Variants in LILRB4 observed in about 807,000 individuals in gnomAD.
The protein encoded by LILRB4 is leukocyte immunoglobulin like receptor B4.
A neutral mutation model predicts 55.2 loss-of-function variants in LILRB4; 49 were observed. The ratio of observed to expected loss-of-function variants is 0.89; its 90% CI spans 0.71 to 1.13. The LOEUF (loss-of-function observed/expected upper bound fraction) is 1.13. LILRB4 is among the 50% of genes most tolerant of loss of function. The probability of loss-of-function intolerance (pLI) is 0.00; values close to 1 mark genes in which losing one functional copy is unlikely to be tolerated. For synonymous variants in LILRB4, 229 were observed against 213.8 expected (o/e 1.07, Z -0.62); for missense variants, 590 against 555.2 (o/e 1.06, Z -0.63).
intron 10 of LILRB4, 129 bp from the exon 11 acceptor site, chr19:54,667,506 G>A (rs964398155): frequency 5.9e-5 from 89 of 1,498,602 alleles, no homozygotes; most frequent in African/African-American, 3.8e-4. Flanking sequence ...GACCCTCCAC[G>A]GCCTTAGGGC....
In LILRB4 at chr19:54,665,086, G is replaced by C. The variant is rs1329277670; in HGVS notation, c.707-44G>C. The C allele has an allele frequency of 3.1e-6, 5 of 1,606,768 alleles. No homozygotes were observed. The Admixed American group carries it at 6.7e-5, about 22-fold the overall frequency. ...TGCGGGGAGAAGCCGAGCTGATGTGGGGAGCAGGGCAGCCCCAGCCCTCAC... is the reference window on the plus strand; with the variant it reads ...TGCGGGGAGAAGCCGAGCTGATGTGCGGAGCAGGGCAGCCCCAGCCCTCAC... On this transcript the variant is annotated intron_variant, in intron 5 of 11. Coordinates refer to ENST00000430952, the Ensembl canonical transcript of LILRB4. This position sits in a 1 kb window ranked among gnomAD's most constrained non-coding sequence, Gnocchi z 5.5.
In LILRB4 at chr19:54,665,381, TG is replaced by T. The variant is rs2065220250; in HGVS notation, c.757+204del. 6.6e-6 allele frequency among the ~76,000 whole-genome samples: 1 copy of T among 151,964 alleles called. No individual in the cohort carries two copies. The highest frequency in any genetic ancestry group is 1.5e-5 in the Non-Finnish European group (1 of 67,974). ...GCTCTGACTCCCAGCTGTGCCCTCC[TG>T]GGAGAGGAGGCCTCCCAGGGAACCT... On this transcript the variant is annotated intron_variant, in intron 6 of 11. Coordinates refer to ENST00000430952, the Ensembl canonical transcript of LILRB4. The surrounding 1 kb of genome is among the most constrained non-coding windows in gnomAD (Gnocchi z 5.5).
Position 54,664,378 on chromosome 19 carries a change from G to C in LILRB4, c.548G>C (p.Ser183Thr), listed in dbSNP as rs769990707. ...CAGCACCAGGCTGAATTCCCCATGA[G>C]TCCTGTGACCTCAGTGCACGGGGGG... is the stretch of plus-strand genomic sequence containing the variant. Residue 183 changes from serine to threonine, a missense_variant, in exon 4 of 12, where the codon AGT becomes ACT. Ser to Thr is a moderately conservative substitution (Grantham distance 58, BLOSUM62 1). Coordinates refer to ENST00000430952, the Ensembl canonical transcript of LILRB4. The C allele has an allele frequency of 1.9e-6, 3 of 1,613,856 alleles. No homozygotes were observed. The Admixed American group carries it at 5.0e-5, about 27-fold the overall frequency.
Position 54,664,855 on chromosome 19 carries a change from TCTCA to T in LILRB4, c.706+7_706+10del. On this transcript the variant is annotated splice_region_variant and intron_variant, in intron 5 of 11. Coordinates refer to ENST00000430952, the Ensembl canonical transcript of LILRB4. The stretch of plus-strand genomic sequence containing the variant: ...AAGGTCCGTCTCAACAGCTGGTGAG[TCTCA>T]GAGGCCTCTGTCCAGAGAGTTTCCA... 6.2e-7 allele frequency: 1 copy of T among 1,612,166 alleles called. No homozygotes were observed. Among genetic ancestry groups the T allele is most frequent in the East Asian group, 2.2e-5 (1 of 44,844 alleles).
In LILRB4 at chr19:54,666,262, A is replaced by G. The variant is rs745688581; in HGVS notation, c.897A>G (p.Gln299=). The change falls in exon 8 of 12, where the codon CAA becomes CAG. Residue 299 remains glutamine (Q), a synonymous_variant. Transcript: ENST00000430952. This position sits in a 1 kb window ranked among gnomAD's most constrained non-coding sequence, Gnocchi z 4.8. ...CAGCCCAGAGACAGGCTGATTTCCAACGTCCTCCAGGGGCTGCCGAGCCAG... is the reference window on the plus strand; with the variant it reads ...CAGCCCAGAGACAGGCTGATTTCCAGCGTCCTCCAGGGGCTGCCGAGCCAG... 2.5e-6 allele frequency: 4 copies of G among 1,605,828 alleles called. No homozygotes were observed. Among genetic ancestry groups the G allele is most frequent in the Non-Finnish European group, 1.7e-6 (2 of 1,175,918 alleles).
intron 4 of LILRB4, 91 bp from the exon 5 acceptor site, chr19:54,664,708 G>A: frequency 8.9e-7 from 1 of 1,118,408 alleles, no homozygotes; most frequent in Non-Finnish European, 1.3e-6. Flanking sequence ...TCCTTGGGAA[G>A]CTGCAGGGCA....
chr19:54,664,206 CT>C lies in LILRB4; in HGVS notation c.379del (p.Ser127GlnfsTer8). Reference sequence around the variant, plus strand: ...CCTAGGAGCCTACAGTAAACCCACCCTTTCAGCCCTGCCGAGTCCTCTTGTG... The same window carrying C: ...CCTAGGAGCCTACAGTAAACCCACCCTTCAGCCCTGCCGAGTCCTCTTGTG... On this transcript the variant is annotated frameshift_variant, in exon 4 of 12. Transcript: ENST00000430952. LOFTEE classifies it high-confidence loss of function. 6.2e-7 allele frequency: 1 copy of C among 1,613,674 alleles called. No homozygotes were observed. Among genetic ancestry groups the C allele is most frequent in the Non-Finnish European group, 8.5e-7 (1 of 1,179,716 alleles).
intron 2 of LILRB4, 83 bp from the exon 3 acceptor site, chr19:54,663,671 G>C: frequency 3.1e-6 from 5 of 1,609,022 alleles, no homozygotes; most frequent in Non-Finnish European, 4.2e-6. Flanking sequence ...GACTGATGAG[G>C]ATGACGGGGG....
chr19:54,667,992 T>C (rs750996669), exon 12 of LILRB4: 29 of 1,613,922 alleles, frequency 1.8e-5, no homozygotes, highest in Non-Finnish European at 2.2e-5. Context: ...CTGAGCCCAG[T>C]GTCTATGCCA....
chr19:54,665,789 C>T lies in LILRB4; in HGVS notation c.758-26C>T. The T allele has an allele frequency of 6.3e-7, 1 of 1,577,356 alleles. No homozygotes were observed. The highest frequency in any genetic ancestry group is 8.6e-7 in the Non-Finnish European group (1 of 1,161,700). On this transcript the variant is annotated intron_variant, in intron 6 of 11. Transcript: ENST00000430952. This position sits in a 1 kb window ranked among gnomAD's most constrained non-coding sequence, Gnocchi z 5.5. ...GGTGTGCACATCAATGACATCATCC[C>T]CATTCCTGATGTCATCACGCCCAAG...
chr19:54,666,382 C>G lies in LILRB4; in HGVS notation c.951-17C>G. 1 of 1,613,868 alleles carries G rather than the reference C, an allele frequency of 6.2e-7. No individual in the cohort carries two copies. Among genetic ancestry groups the G allele is most frequent in the Non-Finnish European group, 8.5e-7 (1 of 1,179,794 alleles). ...AGCCACCTCACTGTCCCCTTACACT[C>G]CCGTATCCTCCCCCAGGTCCAGCCC... is the stretch of plus-strand genomic sequence containing the variant. On this transcript the variant is annotated splice_polypyrimidine_tract_variant and intron_variant, in intron 8 of 11. Transcript: ENST00000430952. The surrounding 1 kb of genome is among the most constrained non-coding windows in gnomAD (Gnocchi z 4.8).
chr19:54,663,812 C>T, exon 3 of LILRB4: 2 of 1,614,150 alleles, frequency 1.2e-6, no homozygotes, highest in African/African-American at 1.3e-5. Flanking sequence ...GCTGGGGGAA[C>T]TCTGTGACCA....
intron 1 of LILRB4, 140 bp from the exon 2 acceptor site, chr19:54,663,392 G>A (rs1396751542): frequency 8.6e-6 from 11 of 1,281,222 alleles, no homozygotes; most frequent in Non-Finnish European, 1.2e-5. Flanking sequence ...CTTGCAGTGA[G>A]CCAAGATCGC....
chr19:54,663,766 A>G lies in LILRB4; in HGVS notation c.83A>G (p.Lys28Arg). 2.5e-6 allele frequency: 4 copies of G among 1,614,008 alleles called. No individual in the cohort carries two copies. In the South Asian group the frequency reaches 4.4e-5, roughly 18 times the overall value. The change falls in exon 3 of 12, where the codon AAA (lysine) becomes AGA (arginine). Residue 28 changes from lysine (K) to arginine (R), a missense_variant. Coordinates refer to ENST00000430952, the Ensembl canonical transcript of LILRB4. ...GATTTTCTTCCAGGGCCCCTCCCCAAACCCACCCTCTGGGCTGAGCCAGGC... is the reference window on the plus strand; with the variant it reads ...GATTTTCTTCCAGGGCCCCTCCCCAGACCCACCCTCTGGGCTGAGCCAGGC...
At chr19:54,663,768 C>G (rs753495604) in exon 3 of LILRB4, 86 of 1,613,924 alleles carry the variant, frequency 5.3e-5, no homozygotes, top group Non-Finnish European at 3.9e-5. Context: ...CCTCCCCAAA[C>G]CCACCCTCTG....
At position 54,666,180 on chromosome 19, in the gene LILRB4, A is replaced by G. The variant is rs1275323797; in HGVS notation, c.875-60A>G. On this transcript the variant is annotated intron_variant, in intron 7 of 11. Coordinates refer to ENST00000430952, the Ensembl canonical transcript of LILRB4. This position sits in a 1 kb window ranked among gnomAD's most constrained non-coding sequence, Gnocchi z 4.8. ...CAGGTTTCCTTTCCTCTTGACTTGC[A>G]TGTGCAAGGCAGGTGGTTCTAACGT... The G allele has an allele frequency of 4.1e-6, 6 of 1,469,608 alleles. No individual in the cohort carries two copies. The highest frequency in any genetic ancestry group is 5.5e-6 in the Non-Finnish European group (6 of 1,087,552). The allele number at this position is 1,469,608 out of a possible 1,614,324, so 91.0% of individuals were successfully genotyped here. A position where few individuals can be genotyped will look rare whatever the true frequency, so the allele number is the denominator to read the frequency against.
chr19:54,664,717 C>A (rs975693337), intron 4 of LILRB4, 82 bp from the exon 5 acceptor site: 6 of 1,157,670 alleles, frequency 5.2e-6, no homozygotes, highest in African/African-American at 1.5e-5. Flanking sequence ...AGCTGCAGGG[C>A]AGATATAGGG....
chr19:54,666,565 G>C lies in LILRB4; in HGVS notation c.988+129G>C. On this transcript the variant is annotated intron_variant, in intron 9 of 11. Coordinates refer to ENST00000430952, the Ensembl canonical transcript of LILRB4. This position sits in a 1 kb window ranked among gnomAD's most constrained non-coding sequence, Gnocchi z 4.8. ...GGGAGAAGTGGTCTGAACCCACATT[G>C]TGGGACCTCGGGGACATCACAGCCC... 7.0e-7 allele frequency: 1 copy of C among 1,431,518 alleles called. No homozygotes were observed. 88.7% of individuals were successfully genotyped at this position (1,431,518 alleles called of 1,614,324 possible). A position where few individuals can be genotyped will look rare whatever the true frequency, so the allele number is the denominator to read the frequency against.
rs1245162980 is a variant in LILRB4, at chr19:54,666,593, C to T, written c.989-104C>T. On this transcript the variant is annotated intron_variant, in intron 9 of 11. Coordinates refer to ENST00000430952, the Ensembl canonical transcript of LILRB4. This position sits in a 1 kb window ranked among gnomAD's most constrained non-coding sequence, Gnocchi z 4.8. ...GGACCTCGGGGACATCACAGCCCCT[C>T]CCTGCGTTGCAGTGGCACTAATGGG... is the stretch of plus-strand genomic sequence containing the variant. The T allele has an allele frequency of 2.8e-6, 4 of 1,434,938 alleles. No homozygotes were observed. Among genetic ancestry groups the T allele is most frequent in the Non-Finnish European group, 2.9e-6 (3 of 1,030,870 alleles). The allele number at this position is 1,434,938 out of a possible 1,614,324, so 88.9% of individuals were successfully genotyped here.
Sources: allele counts gnomAD v4.1 joint callset (sites outside exome capture counted in the v4.1 genomes callset), GRCh38; gene constraint gnomAD v4.1.1; non-coding constraint Gnocchi (gnomAD v3.1); transcripts MANE v1.5; gene names NCBI Gene and HGNC (gene_info 2026-07-23, HGNC 2026-07-21).